The following ASIC2 variants were observed in gnomAD, a reference collection of about 807,000 sequenced individuals.
The protein encoded by ASIC2 is acid sensing ion channel subunit 2.
A neutral mutation model predicts 57.3 loss-of-function variants in ASIC2; 25 were observed. That is an observed-to-expected ratio of 0.44 (90% CI 0.32 to 0.61). The LOEUF (loss-of-function observed/expected upper bound fraction) is 0.61, where lower values mean the gene tolerates loss of function less well. Ranked by LOEUF, ASIC2 falls within the 20% of genes least tolerant of loss-of-function variation. The probability of loss-of-function intolerance (pLI) is 0.06; values close to 1 mark genes in which losing one functional copy is unlikely to be tolerated. For synonymous variants in ASIC2, 319 were observed against 307.5 expected (o/e 1.04, Z -0.39); for missense variants, 641 against 738.1 (o/e 0.87, Z 1.52).
intron 1 of ASIC2, among the ~76,000 whole-genome samples, chr17:33,427,364 A>G (rs1478175527): frequency 6.6e-6 from 1 of 152,238 alleles, no homozygotes; most frequent in East Asian, 1.9e-4. Flanking sequence ...TGCTAGCAGA[A>G]CAAAGAATTA....
chr17:33,592,603 G>A (rs542678043), intron 1 of ASIC2, among the ~76,000 whole-genome samples: 1 of 152,356 alleles, frequency 6.6e-6, no homozygotes, highest in African/African-American at 2.4e-5. Flanking sequence ...ATCTTGGAAG[G>A]TAGACTTAAT....
Position 33,464,670 on chromosome 17 carries a change from C to T in ASIC2, c.556-352603G>A, listed in dbSNP as rs967058784. 2.0e-4 allele frequency among the ~76,000 whole-genome samples: 24 copies of T among 122,768 alleles called. No homozygotes were observed. The Middle Eastern group carries it at 0.012, about 61-fold the overall frequency. The allele number at this position is 122,768 out of a possible 152,430, so 80.5% of individuals were successfully genotyped here. The stretch of plus-strand genomic sequence containing the variant: ...TTCCTTTCTTCCTTCTCTCTCTCTC[C>T]CTCTCTCTCTCTCTCTCTATATATA... On this transcript the variant is annotated intron_variant, in intron 1 of 9. Coordinates refer to the ASIC2 transcript ENST00000359872.
At chr17:34,141,118 A>G (rs893279946) in intron 1 of ASIC2, among the ~76,000 whole-genome samples, 1 of 152,044 alleles carries the variant, frequency 6.6e-6, no homozygotes, top group African/African-American at 2.4e-5. Context: ...TGAACAAACC[A>G]AAATTGAAGA....
intron 1 of ASIC2, among the ~76,000 whole-genome samples, chr17:33,816,402 G>T (rs1175656920): frequency 6.6e-6 from 1 of 152,130 alleles, no homozygotes; most frequent in African/African-American, 2.4e-5. Context: ...ATCATGAGCT[G>T]ATATATCATA....
At chr17:33,043,436 G>C (rs2091937741) in intron 3 of ASIC2, among the ~76,000 whole-genome samples, 1 of 152,226 alleles carries the variant, frequency 6.6e-6, no homozygotes, top group Non-Finnish European at 1.5e-5. Context: ...TAGATAACCT[G>C]TTGTGTAGTA....
chr17:33,205,611 G>A (rs1033725423), intron 1 of ASIC2, among the ~76,000 whole-genome samples: 1 of 152,138 alleles, frequency 6.6e-6, no homozygotes, highest in Non-Finnish European at 1.5e-5. Flanking sequence ...GAACATACTT[G>A]GGGAAACGCT....
chr17:33,610,713 T>C (rs1054155079), intron 1 of ASIC2, among the ~76,000 whole-genome samples: 3 of 138,638 alleles, frequency 2.2e-5, no homozygotes, highest in Admixed American at 6.9e-5. Context: ...AATAAATAAA[T>C]AAAAAATAAA....
chr17:33,780,066 G>A (rs777417945), intron 1 of ASIC2, among the ~76,000 whole-genome samples: 15 of 139,998 alleles, frequency 1.1e-4, no homozygotes, highest in Non-Finnish European at 1.8e-4. Context: ...CACCTCCCAG[G>A]CTCAAGCAAT....
intron 1 of ASIC2, chr17:34,051,852 C>CACACAT (rs1555587238): frequency 8.3e-6 from 1 of 120,852 alleles, no homozygotes; most frequent in African/African-American, 4.4e-5. Flanking sequence ...CACACATACA[C>CACACAT]ACACACAGAG....
At chr17:33,737,278 T>C (rs1366579923) in intron 1 of ASIC2, among the ~76,000 whole-genome samples, 1 of 152,268 alleles carries the variant, frequency 6.6e-6, no homozygotes, top group Non-Finnish European at 1.5e-5. Flanking sequence ...TCAGATTGTT[T>C]TCCAAGCCAC....
intron 1 of ASIC2, among the ~76,000 whole-genome samples, chr17:33,500,926 C>T (rs1914082588): frequency 6.6e-6 from 1 of 152,244 alleles, no homozygotes; most frequent in South Asian, 2.1e-4. Flanking sequence ...CGTCCCGCTA[C>T]AACTCTCTCT....
At chr17:33,946,152 C>A (rs529150633) in intron 1 of ASIC2, among the ~76,000 whole-genome samples, 2 of 152,196 alleles carry the variant, frequency 1.3e-5, no homozygotes, top group Admixed American at 6.5e-5. Flanking sequence ...ACAGTCAAGG[C>A]GGCCACTGCA....
chr17:33,881,872 A>G (rs1914708399), intron 1 of ASIC2, among the ~76,000 whole-genome samples: 2 of 152,226 alleles, frequency 1.3e-5, no homozygotes, highest in South Asian at 4.1e-4. Context: ...CTGCAAGGCT[A>G]CAGTAACCAA....
intron 1 of ASIC2, among the ~76,000 whole-genome samples, chr17:33,635,671 C>T (rs183690960): frequency 1.3e-5 from 2 of 152,268 alleles, no homozygotes; most frequent in East Asian, 1.9e-4. Context: ...TTATTTTTAG[C>T]GTCTCTCTGT....
At chr17:33,411,002 T>A (rs1438397907) in intron 1 of ASIC2, among the ~76,000 whole-genome samples, 2 of 152,118 alleles carry the variant, frequency 1.3e-5, no homozygotes, top group East Asian at 3.9e-4. Flanking sequence ...AACAGGAGAT[T>A]GAATAAATGA....
intron 1 of ASIC2, among the ~76,000 whole-genome samples, chr17:33,325,716 T>C (rs761544368): frequency 3.3e-5 from 5 of 151,998 alleles, no homozygotes; most frequent in African/African-American, 4.8e-5. Flanking sequence ...ATGAGAAAGA[T>C]TGGTAGAAGA....
At chr17:33,294,600 T>G (rs1286040279), upstream of ASIC2, among the ~76,000 whole-genome samples, 2 of 151,882 alleles carry the variant, frequency 1.3e-5, no homozygotes, top group African/African-American at 4.8e-5. Flanking sequence ...GTCACACATG[T>G]ACAAGCACAC....
chr17:34,099,784 AAGAAAGAAAG>A (rs1173977444), intron 1 of ASIC2, among the ~76,000 whole-genome samples: 1 of 68,708 alleles, frequency 1.5e-5, no homozygotes, highest in East Asian at 3.6e-4. Flanking sequence ...GAAAGAAAGA[AAGAAAGAAAG>A]AAAGAAAGAA....
rs545727860 is a variant in ASIC2 at position 33,887,074 on chromosome 17, G to C, written c.555+268904C>G. 7.9e-5 allele frequency among the ~76,000 whole-genome samples: 12 copies of C among 152,294 alleles called. No individual in the cohort carries two copies. In the South Asian group the frequency reaches 2.3e-3, roughly 29 times the overall value. Reference sequence around the variant, plus strand: ...TCATCAAGTTAATTTTGTTGAAACAGGAGAAAACGACATAAAACCTGTTCC... The same window carrying C: ...TCATCAAGTTAATTTTGTTGAAACACGAGAAAACGACATAAAACCTGTTCC... On this transcript the variant is annotated intron_variant, in intron 1 of 9. Coordinates refer to the ASIC2 transcript ENST00000359872.
Sources: gnomAD v4.1 joint callset for allele counts (sites outside exome capture counted in the v4.1 genomes callset) on GRCh38, gnomAD v4.1.1 for gene constraint, MANE v1.5 for transcripts, NCBI Gene and HGNC (gene_info 2026-07-23, HGNC 2026-07-21) for gene names.